Variants in SDC1 observed in about 807,000 individuals in gnomAD.
The protein encoded by SDC1 is syndecan 1, also known as syndecan-1.
SDC1 carries 14 observed loss-of-function variants against 29.7 expected under a neutral mutation model. That is an observed-to-expected ratio of 0.47 (90% CI 0.31 to 0.74). The LOEUF (loss-of-function observed/expected upper bound fraction) is 0.74. Among genes scored for constraint, SDC1 ranks in the 30% least tolerant of loss-of-function variants. SDC1 has a pLI of 0.05. For missense variants in SDC1, 406 were observed against 400.3 expected (o/e 1.01, Z -0.12); for synonymous variants, 204 against 175.5 (o/e 1.16, Z -1.29).
intron 1 of SDC1, among the ~76,000 whole-genome samples, chr2:20,205,637 T>A (rs1003014581): frequency 6.6e-6 from 1 of 152,178 alleles, no homozygotes; most frequent in African/African-American, 2.4e-5. Context: ...AGCCTGGTAC[T>A]GGGTGCAGGG....
intron 1 of SDC1, among the ~76,000 whole-genome samples, chr2:20,223,971 C>G (rs1677906825): frequency 6.6e-6 from 1 of 152,176 alleles, no homozygotes; most frequent in African/African-American, 2.4e-5. Context: ...GACCCGCCTT[C>G]CCTCCGCGCG....
At chr2:20,215,805 G>A (rs74346376) in intron 1 of SDC1, among the ~76,000 whole-genome samples, 47,107 of 152,084 alleles carry the variant, frequency 0.31, 7,477 homozygotes, top group Middle Eastern at 0.38. Flanking sequence ...GCTAGACTCC[G>A]TGTCCTGTGC....
chr2:20,216,911 G>C (rs1391053888), intron 1 of SDC1, among the ~76,000 whole-genome samples: 1 of 152,202 alleles, frequency 6.6e-6, no homozygotes, highest in African/African-American at 2.4e-5. Flanking sequence ...TCCACAGAGA[G>C]AGCCAGGCAG....
intron 1 of SDC1, chr2:20,223,263 T>G: frequency 7.7e-7 from 1 of 1,299,736 alleles, no homozygotes; most frequent in Non-Finnish European, 1.0e-6. Flanking sequence ...CTACCTCATC[T>G]CCCATGAGAC....
intron 1 of SDC1, among the ~76,000 whole-genome samples, chr2:20,209,978 C>T (rs1023894696): frequency 6.6e-6 from 1 of 152,238 alleles, no homozygotes; most frequent in African/African-American, 2.4e-5. Flanking sequence ...GGTTTCCAGC[C>T]CGCACCCTGA....
intron 1 of SDC1, among the ~76,000 whole-genome samples, chr2:20,218,688 C>T (rs913965748): frequency 1.8e-4 from 27 of 151,562 alleles, no homozygotes; most frequent in Non-Finnish European, 3.2e-4. Flanking sequence ...CACACACGGA[C>T]GCACACAAAC....
chr2:20,204,200 G>A lies in SDC1; in HGVS notation c.240C>T (p.Pro80=), dbSNP rs1429764892. 3 of 1,599,410 alleles carry A rather than the reference G, an allele frequency of 1.9e-6. No individual in the cohort carries two copies. The highest frequency in any genetic ancestry group is 2.2e-5 in the East Asian group (1 of 44,858). Reference sequence around the variant, plus strand: ...AGGCAGCTGTAGCCTCCAGGCCGGTGGGTTCTGGAGACGTGGGAATAGCCG... The same window carrying A: ...AGGCAGCTGTAGCCTCCAGGCCGGTAGGTTCTGGAGACGTGGGAATAGCCG... The part of the protein sequence containing the change: ...LLTAIPTSPE[P]TGLEATAAST... Residue 80 remains proline (P), a synonymous_variant, in exon 3 of 5, where the codon CCC becomes CCT. Coordinates refer to ENST00000254351, the MANE Select transcript of SDC1 (RefSeq NM_002997.5).
Position 20,203,896 on chromosome 2 carries a change from C to T in SDC1, c.544G>A (p.Asp182Asn), listed in dbSNP as rs145702352. The change falls in exon 3 of 5, where the codon GAT becomes AAT. Residue 182 changes from aspartate to asparagine, a missense_variant. Physicochemically the swap from Asp to Asn is conservative, Grantham distance 23. Coordinates refer to ENST00000254351, the MANE Select transcript of SDC1 (RefSeq NM_002997.5). ...CTCTCGGTGGCAGAAGGACCTCCAT[C>T]CTCTGTGTGGGGAGTGTGAAGGTCA... The part of the protein sequence containing the change: ...QADLHTPHTE[D>N]GGPSATERAA... 45 of 1,612,292 alleles carry T rather than the reference C, an allele frequency of 2.8e-5. No individual in the cohort carries two copies. Among genetic ancestry groups the T allele is most frequent in the Non-Finnish European group, 3.7e-5 (44 of 1,179,398 alleles).
intron 1 of SDC1, among the ~76,000 whole-genome samples, chr2:20,210,685 A>C (rs1677439277): frequency 6.6e-6 from 1 of 152,206 alleles, no homozygotes; most frequent in Non-Finnish European, 1.5e-5. Flanking sequence ...ACCAGGGATA[A>C]AGAGCTGCCC....
At chr2:20,220,601 A>G (rs891528641) in intron 1 of SDC1, among the ~76,000 whole-genome samples, 1 of 152,244 alleles carries the variant, frequency 6.6e-6, no homozygotes, top group Admixed American at 6.5e-5. Context: ...GTTTCATCAC[A>G]AAGTACTTTC....
At chr2:20,213,452 A>G (rs1353680886) in intron 1 of SDC1, among the ~76,000 whole-genome samples, 1 of 152,206 alleles carries the variant, frequency 6.6e-6, no homozygotes, top group Non-Finnish European at 1.5e-5. Flanking sequence ...ACCCACAAGG[A>G]CACTCGATCA....
chr2:20,207,753 G>A (rs1031289814), intron 1 of SDC1, among the ~76,000 whole-genome samples: 2 of 150,858 alleles, frequency 1.3e-5, no homozygotes, highest in Non-Finnish European at 3.0e-5. Flanking sequence ...TGCTCCCCCC[G>A]CCTCCACACA....
In SDC1 at chr2:20,202,938, A is replaced by G; in HGVS notation, c.764-3T>C. The G allele has an allele frequency of 6.2e-7, 1 of 1,604,590 alleles. No individual in the cohort carries two copies. Among genetic ancestry groups the G allele is most frequent in the Non-Finnish European group, 8.5e-7 (1 of 1,173,910 alleles). On this transcript the variant is annotated splice_region_variant and splice_polypyrimidine_tract_variant and intron_variant, in intron 4 of 4. Transcript: ENST00000254351. ...CACGAGGCCTCCGGCAATGACCCCT[A>G]GGGCAGGTAGACGGGGCCAGCTCAG...
intron 3 of SDC1, among the ~76,000 whole-genome samples, chr2:20,203,496 G>A (rs1013146707): frequency 3.9e-5 from 6 of 152,244 alleles, no homozygotes; most frequent in Admixed American, 2.0e-4. Context: ...AGTGTAAAGC[G>A]TAAAATTCCC....
intron 1 of SDC1, among the ~76,000 whole-genome samples, chr2:20,219,978 C>T (rs1053004234): frequency 4.6e-5 from 7 of 152,206 alleles, no homozygotes; most frequent in South Asian, 4.1e-4. Flanking sequence ...GTTTCCCCAG[C>T]GCCCAAGGTA....
chr2:20,223,254 T>C, intron 1 of SDC1: 2 of 1,301,598 alleles, frequency 1.5e-6, no homozygotes, highest in Non-Finnish European at 2.0e-6. Flanking sequence ...CGACTGTCCC[T>C]ACCTCATCTC....
intron 1 of SDC1, among the ~76,000 whole-genome samples, chr2:20,223,608 G>A (rs1380293429): frequency 6.6e-6 from 1 of 152,200 alleles, no homozygotes; most frequent in Non-Finnish European, 1.5e-5. Context: ...CGCGGGGGCT[G>A]GGGAGGCGAA....
At chr2:20,206,855 CACAA>C (rs1347409696) in intron 1 of SDC1, among the ~76,000 whole-genome samples, 1 of 152,240 alleles carries the variant, frequency 6.6e-6, no homozygotes, top group Non-Finnish European at 1.5e-5. Context: ...AGTGGGCACC[CACAA>C]ACAGTGGCCA....
chr2:20,218,774 G>A (rs534511010), intron 1 of SDC1, among the ~76,000 whole-genome samples: 1 of 147,806 alleles, frequency 6.8e-6, no homozygotes, highest in South Asian at 2.2e-4. Context: ...CACACACACA[G>A]ACACATGGAG....
Sources: gnomAD v4.1 joint callset for allele counts (sites outside exome capture counted in the v4.1 genomes callset) on GRCh38, gnomAD v4.1.1 for gene constraint, MANE v1.5 for transcripts, NCBI Gene and HGNC (gene_info 2026-07-23, HGNC 2026-07-21) for gene names.